Variants in FREM1 observed in about 807,000 individuals in gnomAD.
FREM1 encodes the protein FRAS1 related extracellular matrix 1.
FREM1 carries 220 observed loss-of-function variants against 210.1 expected under a neutral mutation model. The ratio of observed to expected loss-of-function variants is 1.05; its 90% CI spans 0.94 to 1.17. FREM1 has a LOEUF of 1.17. Among genes scored for constraint, FREM1 ranks in the 50% most tolerant of loss-of-function variants. The probability of loss-of-function intolerance (pLI) is 0.00; values close to 1 mark genes in which losing one functional copy is unlikely to be tolerated. For synonymous variants in FREM1, 1,189 were observed against 980.2 expected (o/e 1.21, Z -3.98); for missense variants, 3,454 against 2,675.5 (o/e 1.29, Z -6.42).
At chr9:14,878,945 C>T (rs1313059284) in intron 1 of FREM1, among the ~76,000 whole-genome samples, 1 of 152,094 alleles carries the variant, frequency 6.6e-6, no homozygotes, top group Non-Finnish European at 1.5e-5. Flanking sequence ...CACCTGAGGT[C>T]AGGAGTTCGA....
chr9:14,851,186 C>T, intron 6 of FREM1, 98 bp downstream of exon 6: 1 of 841,242 alleles, frequency 1.2e-6, no homozygotes, highest in Non-Finnish European at 1.8e-6. Flanking sequence ...TTTTCTGAGG[C>T]AATGAATGTA....
At chr9:14,782,356 T>C in intron 24 of FREM1, 2 of 983,086 alleles carry the variant, frequency 2.0e-6, no homozygotes, top group Non-Finnish European at 2.4e-6. Flanking sequence ...ATTCTCACCA[T>C]TCGATTAATA....
chr9:14,909,484 A>C (rs1480744168), intron 1 of FREM1, among the ~76,000 whole-genome samples: 5 of 152,252 alleles, frequency 3.3e-5, no homozygotes, highest in Non-Finnish European at 2.9e-5. Flanking sequence ...AAGCAAAGGT[A>C]TCCAGACATT....
chr9:14,823,518 T>C (rs1399243652), intron 12 of FREM1, among the ~76,000 whole-genome samples, 191 bp from the exon 13 acceptor site: 1 of 152,174 alleles, frequency 6.6e-6, no homozygotes, highest in East Asian at 1.9e-4. Context: ...ATCAAACTAA[T>C]AGAAGCAAGG....
At chr9:14,754,869 G>A (rs1210238607) in intron 29 of FREM1, among the ~76,000 whole-genome samples, 1 of 152,180 alleles carries the variant, frequency 6.6e-6, no homozygotes, top group Non-Finnish European at 1.5e-5. Context: ...AGGAGGCAGA[G>A]GTTGCAGTGA....
chr9:14,879,308 TGAGGTTGAG>T (rs78940445), intron 1 of FREM1, among the ~76,000 whole-genome samples: 77,262 of 151,338 alleles, frequency 0.51, 22,426 homozygotes, highest in African/African-American at 0.79. Context: ...CCCATAACAC[TGAGGTTGAG>T]GAGGTTGAGA....
intron 1 of FREM1, among the ~76,000 whole-genome samples, chr9:14,888,281 A>G (rs1266181375): frequency 3.9e-5 from 6 of 152,216 alleles, no homozygotes; most frequent in South Asian, 2.1e-4. Context: ...TGTCATCGCA[A>G]TTAGAGCCTG....
chr9:14,848,659 CT>C lies in FREM1; in HGVS notation c.1261+5del, dbSNP rs1455003262. 1.3e-6 allele frequency: 2 copies of C among 1,554,184 alleles called. No homozygotes were observed. Among genetic ancestry groups the C allele is most frequent in the Non-Finnish European group, 1.8e-6 (2 of 1,126,164 alleles). ...ATGTTGCTCTATGCCTTATATTGAGCTTTACCTGTATTCCAGGATACACGGG... is the reference window on the plus strand; with the variant it reads ...ATGTTGCTCTATGCCTTATATTGAGCTTACCTGTATTCCAGGATACACGGG... On this transcript the variant is annotated splice_donor_5th_base_variant and intron_variant, in intron 7 of 36. Coordinates refer to ENST00000380880, the MANE Select transcript of FREM1 (RefSeq NM_001379081.2).
intron 1 of FREM1, among the ~76,000 whole-genome samples, chr9:14,885,690 G>A (rs1354789349): frequency 6.6e-6 from 1 of 151,414 alleles, no homozygotes; most frequent in Non-Finnish European, 1.5e-5. Context: ...CCAAAGTTCT[G>A]GGATTACAGG....
At chr9:14,750,607 A>T (rs1843181297) in intron 29 of FREM1, among the ~76,000 whole-genome samples, 1 of 152,226 alleles carries the variant, frequency 6.6e-6, no homozygotes, top group Admixed American at 6.5e-5. Flanking sequence ...AAGAGTAAAC[A>T]AGTATTGCAA....
chr9:14,737,743 C>G lies in FREM1; in HGVS notation c.6341-148G>C. 3 of 575,144 alleles carry G rather than the reference C, an allele frequency of 5.2e-6. 1 individual carries two copies. In the South Asian group the frequency reaches 1.1e-4, roughly 22 times the overall value. 35.6% of individuals were successfully genotyped at this position (575,144 alleles called of 1,614,324 possible). ...GATAGGAACTTGGAATACTCTAAGA[C>G]ACAAACGGTCAAACAAATCCCAGTC... On this transcript the variant is annotated intron_variant, in intron 36 of 36. Transcript: ENST00000380880.
intron 1 of FREM1, among the ~76,000 whole-genome samples, chr9:14,894,882 T>G (rs1588637567): frequency 6.6e-6 from 1 of 152,234 alleles, no homozygotes; most frequent in African/African-American, 2.4e-5. Flanking sequence ...AAATTGGTTA[T>G]TTTACCAAGG....
At chr9:14,839,170 G>A (rs1825181066) in intron 10 of FREM1, among the ~76,000 whole-genome samples, 1 of 152,218 alleles carries the variant, frequency 6.6e-6, no homozygotes, top group East Asian at 1.9e-4. Flanking sequence ...GGTTGGAGCT[G>A]AAGCAATGGC....
chr9:14,761,306 G>A (rs2132290297), intron 27 of FREM1, among the ~76,000 whole-genome samples: 1 of 152,264 alleles, frequency 6.6e-6, no homozygotes, highest in Non-Finnish European at 1.5e-5. Flanking sequence ...GGGCTAGGGG[G>A]CAAGGGTAGG....
At position 14,746,927 on chromosome 9, in the gene FREM1, G is replaced by A. The variant is rs536842666; in HGVS notation, c.6134C>T (p.Thr2045Ile). ...GIAWKAWSPQ[T>I]KDVEDKSCPA... The stretch of plus-strand genomic sequence containing the variant: ...GCTGCTCAGCCTGCCTCCTACCTTG[G>A]TTTGGGGACTCCAGGCTTTCCAGGC... Residue 2045 changes from threonine to isoleucine, a missense_variant, in exon 34 of 37, where the codon ACC (threonine) becomes ATC (isoleucine). Physicochemically the swap from Thr to Ile is moderately conservative, Grantham distance 89. Coordinates refer to ENST00000380880, the MANE Select transcript of FREM1 (RefSeq NM_001379081.2). 2 of 1,612,742 alleles carry A rather than the reference G, an allele frequency of 1.2e-6. No homozygotes were observed. Among genetic ancestry groups the A allele is most frequent in the African/African-American group, 1.3e-5 (1 of 74,868 alleles).
At chr9:14,849,230 G>A (rs1827225362) in intron 6 of FREM1, among the ~76,000 whole-genome samples, 1 of 152,090 alleles carries the variant, frequency 6.6e-6, no homozygotes, top group African/African-American at 2.4e-5. Context: ...AGTGGGTAGA[G>A]GCCAGGATAC....
chr9:14,852,754 T>C (rs1268034110), intron 5 of FREM1, among the ~76,000 whole-genome samples: 2 of 152,228 alleles, frequency 1.3e-5, no homozygotes, highest in East Asian at 1.9e-4. Flanking sequence ...ATCTAGCCCA[T>C]TGCTGAGAGA....
intron 6 of FREM1, among the ~76,000 whole-genome samples, chr9:14,850,947 A>G (rs577178943): frequency 4.2e-4 from 64 of 152,168 alleles, no homozygotes; most frequent in Non-Finnish European, 6.8e-4. Context: ...TTTTACCAAA[A>G]ATGTATCATT....
chr9:14,878,489 A>C (rs1399568738), intron 1 of FREM1, among the ~76,000 whole-genome samples: 1 of 152,182 alleles, frequency 6.6e-6, no homozygotes, highest in African/African-American at 2.4e-5. Context: ...TGTCAGTCTC[A>C]TCTCCTAGCA....
Sources: gnomAD v4.1 joint callset for allele counts (sites outside exome capture counted in the v4.1 genomes callset) on GRCh38, gnomAD v4.1.1 for gene constraint, MANE v1.5 for transcripts, NCBI Gene and HGNC (gene_info 2026-07-23, HGNC 2026-07-21) for gene names.